Variants in ZNF766 observed in about 807,000 individuals in gnomAD.
ZNF766 encodes the protein zinc finger protein 766.
Under a neutral mutation model 13.2 loss-of-function variants are expected in ZNF766, and 13 were observed. The ratio of observed to expected loss-of-function variants is 0.98; its 90% CI spans 0.64 to 1.56. The LOEUF (loss-of-function observed/expected upper bound fraction) is 1.56, where lower values mean the gene tolerates loss of function less well. Ranked by LOEUF, ZNF766 falls within the 40% of genes most tolerant of loss-of-function variation. The probability of loss-of-function intolerance (pLI) is 0.00; values close to 1 mark genes in which losing one functional copy is unlikely to be tolerated. For missense variants in ZNF766, 521 were observed against 552.2 expected, an observed-to-expected ratio of 0.94 and a Z score of 0.57; for synonymous variants, 178 against 187.6, an observed-to-expected ratio of 0.95 and a Z score of 0.42.
At chr19:52,286,951 T>G (rs62110413) in intron 3 of ZNF766, among the ~76,000 whole-genome samples, 12,913 of 151,740 alleles carry the variant, frequency 0.085, 1,201 homozygotes, top group African/African-American at 0.23. Flanking sequence ...TTCTCCTCCC[T>G]CAGCCTCCCA....
intron 3 of ZNF766, among the ~76,000 whole-genome samples, chr19:52,285,435 G>A (rs900325282): frequency 2.6e-5 from 4 of 152,178 alleles, no homozygotes; most frequent in South Asian, 2.1e-4. Flanking sequence ...TCCAGTTGAG[G>A]TTTCCACAAT....
chr19:52,274,844 A>G (rs1322558370), intron 1 of ZNF766, among the ~76,000 whole-genome samples: 6 of 152,166 alleles, frequency 3.9e-5, no homozygotes, highest in African/African-American at 1.2e-4. Flanking sequence ...GAATGAGCCA[A>G]TAGGAAACTG....
chr19:52,283,402 A>T lies in ZNF766; in HGVS notation c.263A>T (p.Asp88Val). ...KNPDRWEGIK[D>V]INTGRSCAVR... is the part of the protein sequence containing the mutation. ...CCAGATAGGTGGGAAGGTATCAAAG[A>T]TATCAACACAGGTAAGAGCTCAGAT... The change falls in exon 3 of 4, where the codon GAT becomes GTT. Residue 88 changes from aspartate to valine, a missense_variant. Transcript: ENST00000439461. 1 of 1,597,098 alleles carries T rather than the reference A, an allele frequency of 6.3e-7. No homozygotes were observed. Among genetic ancestry groups the T allele is most frequent in the Non-Finnish European group, 8.5e-7 (1 of 1,170,700 alleles).
intron 3 of ZNF766, among the ~76,000 whole-genome samples, chr19:52,283,773 C>T (rs1486638551): frequency 5.3e-5 from 8 of 152,138 alleles, no homozygotes; most frequent in Non-Finnish European, 8.8e-5. Flanking sequence ...GAGTCTTGCT[C>T]TGTCTCCAGG....
intron 1 of ZNF766, chr19:52,277,661 AC>A: frequency 9.3e-7 from 1 of 1,072,364 alleles, no homozygotes; most frequent in Non-Finnish European, 1.4e-6. Context: ...GCTCACACTC[AC>A]CCATGCCTTC....
intron 1 of ZNF766, chr19:52,274,654 A>C (rs1176890846): frequency 6.6e-6 from 1 of 152,228 alleles, no homozygotes. Context: ...AGGCCGAGGC[A>C]GGTGGATCAC....
At chr19:52,287,470 C>T (rs1043401558) in intron 3 of ZNF766, among the ~76,000 whole-genome samples, 13 of 152,202 alleles carry the variant, frequency 8.5e-5, no homozygotes, top group Non-Finnish European at 1.0e-4. Context: ...GGGCCTTTGC[C>T]TCTGCTTTCA....
chr19:52,271,980 C>CAAAA (rs371229113), intron 1 of ZNF766, among the ~76,000 whole-genome samples: 63 of 88,966 alleles, frequency 7.1e-4, no homozygotes, highest in African/African-American at 9.0e-4. Context: ...GAGACTGTCT[C>CAAAA]AAAAAAAAAA....
chr19:52,273,230 G>A (rs912101657), intron 1 of ZNF766, among the ~76,000 whole-genome samples: 11 of 152,222 alleles, frequency 7.2e-5, no homozygotes, highest in South Asian at 2.1e-4. Flanking sequence ...GGATGGTCTC[G>A]ATCTCTTGAC....
In ZNF766 at chr19:52,283,321, T is replaced by A; in HGVS notation, c.182T>A (p.Met61Lys). The change falls in exon 3 of 4, where the codon ATG becomes AAG. Residue 61 changes from methionine (M) to lysine (K), a missense_variant. Coordinates refer to ENST00000439461, the MANE Select transcript of ZNF766 (RefSeq NM_001010851.3). ...CCTGACCTGAGTATTATCTCCATGATGAAGCAAAGGACAGAGCCCTGGACT... is the reference window on the plus strand; with the variant it reads ...CCTGACCTGAGTATTATCTCCATGAAGAAGCAAAGGACAGAGCCCTGGACT... ...CLPDLSIISM[M>K]KQRTEPWTVE... The A allele has an allele frequency of 6.2e-7, 1 of 1,613,924 alleles. No homozygotes were observed. Among genetic ancestry groups the A allele is most frequent in the African/African-American group, 1.3e-5 (1 of 75,012 alleles).
chr19:52,284,248 A>G (rs1229564663), intron 3 of ZNF766, among the ~76,000 whole-genome samples: 1 of 152,104 alleles, frequency 6.6e-6, no homozygotes, highest in East Asian at 1.9e-4. Flanking sequence ...ATGGGATTTT[A>G]TCTGATGCTC....
chr19:52,279,789 C>CTTTTTTTTTTTT (rs984101828), intron 1 of ZNF766, among the ~76,000 whole-genome samples: 8 of 64,866 alleles, frequency 1.2e-4, no homozygotes, highest in African/African-American at 1.4e-4. Context: ...TTTACCTTTT[C>CTTTTTTTTTTTT]TTTTTTTTTT....
At chr19:52,282,392 T>G (rs1981573395) in intron 2 of ZNF766, 155 bp downstream of exon 2, 25 of 855,908 alleles carry the variant, frequency 2.9e-5, no homozygotes, top group Non-Finnish European at 4.2e-5. Context: ...TCCCAGCACT[T>G]TGGGAGGCTG....
At position 52,292,228 on chromosome 19, in the gene ZNF766, T is replaced by G. The variant is rs937739044; in HGVS notation, c.*1030T>G. On this transcript the variant is annotated 3_prime_UTR_variant, in exon 4 of 4. Coordinates refer to ENST00000439461, the MANE Select transcript of ZNF766 (RefSeq NM_001010851.3). ...AGATGAGGAGCGTTTCTATCCAGTT[T>G]CCTGGAGGAATAAGGACACTGCCTT... The G allele has an allele frequency of 1.4e-6, 1 of 700,892 alleles. No individual in the cohort carries two copies. Among genetic ancestry groups the G allele is most frequent in the Non-Finnish European group, 2.6e-6 (1 of 384,408 alleles). 43.4% of individuals were successfully genotyped at this position (700,892 alleles called of 1,614,324 possible). A position where few individuals can be genotyped will look rare whatever the true frequency, so the allele number is the denominator to read the frequency against.
chr19:52,275,011 G>A (rs1169069653), intron 1 of ZNF766, among the ~76,000 whole-genome samples: 1 of 152,122 alleles, frequency 6.6e-6, no homozygotes, highest in Non-Finnish European at 1.5e-5. Context: ...TGCATTATCC[G>A]CTCATAAGAA....
At chr19:52,288,826 A>AT (rs1430905305) in intron 3 of ZNF766, among the ~76,000 whole-genome samples, 1 of 148,592 alleles carries the variant, frequency 6.7e-6, no homozygotes, top group Non-Finnish European at 1.5e-5. Flanking sequence ...TTTTCCTTTT[A>AT]TTTTATTTTT....
rs370684066 is a variant in ZNF766, at chr19:52,276,032, GT to G, written c.19-6077del. Among the ~76,000 whole-genome samples the G allele has an allele frequency of 5.8e-3, 882 of 152,220 alleles. 14 individuals are homozygous for G. Among genetic ancestry groups the G allele is most frequent in the African/African-American group, 0.02 (841 of 41,524 alleles). On this transcript the variant is annotated intron_variant, in intron 1 of 3. Coordinates refer to ENST00000439461, the MANE Select transcript of ZNF766 (RefSeq NM_001010851.3). The stretch of plus-strand genomic sequence containing the variant: ...ATGTTTTGACTTACGAGTACTTACC[GT>G]TGTTACAGTTGACTATAGTATTCAG...
At chr19:52,287,149 C>G (rs1981871747) in intron 3 of ZNF766, among the ~76,000 whole-genome samples, 2 of 145,546 alleles carry the variant, frequency 1.4e-5, no homozygotes, top group South Asian at 4.3e-4. Flanking sequence ...CTGCAGTTTT[C>G]TTTTTTTTTT....
In ZNF766 at chr19:52,292,374, G is replaced by T; in HGVS notation, c.*1176G>T. The T allele has an allele frequency of 1.7e-6, 1 of 572,202 alleles. No individual in the cohort carries two copies. The highest frequency in any genetic ancestry group is 3.1e-6 in the Non-Finnish European group (1 of 322,730). The allele number at this position is 572,202 out of a possible 1,614,324, so 35.4% of individuals were successfully genotyped here. ...CACTTTTCCTGACAGGCACAGTGCT[G>T]CTGTGCTCTACAAATGACCATGAAA... On this transcript the variant is annotated 3_prime_UTR_variant, in exon 4 of 4. Transcript: ENST00000439461.
Sources: allele counts gnomAD v4.1 joint callset (sites outside exome capture counted in the v4.1 genomes callset), GRCh38; gene constraint gnomAD v4.1.1; transcripts MANE v1.5; gene names NCBI Gene and HGNC (gene_info 2026-07-23, HGNC 2026-07-21).